NSD2: variants seen among roughly 807,000 people sequenced by gnomAD.
The protein encoded by NSD2 is histone-lysine N-methyltransferase NSD2.
Under a neutral mutation model 139.0 loss-of-function variants are expected in NSD2, and 12 were observed. The observed-to-expected ratio is 0.09, with a 90% CI of 0.06 to 0.14. NSD2 has a LOEUF of 0.14. Among genes scored for constraint, NSD2 ranks in the 10% least tolerant of loss-of-function variants. The pLI is 1.00. For synonymous variants in NSD2, 669 were observed against 648.7 expected (o/e 1.03, Z -0.48); for missense variants, 1,155 against 1,745.0 (o/e 0.66, Z 6.02).
chr4:1,928,715 G>A (rs547425219), intron 5 of NSD2, among the ~76,000 whole-genome samples: 1 of 151,996 alleles, frequency 6.6e-6, no homozygotes, highest in East Asian at 1.9e-4. Flanking sequence ...GGGCTCTGGA[G>A]TCATGGTGGG....
At position 1,948,106 on chromosome 4, in the gene NSD2, A is replaced by G. The variant is rs1234477125; in HGVS notation, c.1882-2966A>G. On this transcript the variant is annotated intron_variant, in intron 9 of 21. Transcript: ENST00000508803. The surrounding 1 kb of genome is among the most constrained non-coding windows in gnomAD (Gnocchi z 4.5). ...TTCTAAGGCAAATAGGCAACTTGGT[A>G]CTATCTTATTCTGAGTAGAGAGTGG... 1.9e-6 allele frequency: 2 copies of G among 1,059,722 alleles called. No individual in the cohort carries two copies. Among genetic ancestry groups the G allele is most frequent in the Non-Finnish European group, 2.3e-6 (2 of 875,500 alleles). 65.6% of individuals were successfully genotyped at this position (1,059,722 alleles called of 1,614,324 possible). A position where few individuals can be genotyped will look rare whatever the true frequency, so the allele number is the denominator to read the frequency against.
chr4:1,926,633 G>A (rs1720952190), intron 5 of NSD2, among the ~76,000 whole-genome samples: 1 of 151,820 alleles, frequency 6.6e-6, no homozygotes, highest in African/African-American at 2.4e-5. Flanking sequence ...ACCACACCCA[G>A]CTAATTGTTG....
rs1490792778 is a variant in NSD2 at position 1,900,769 on chromosome 4, G to A, written c.115G>A (p.Glu39Lys). 3 of 1,614,130 alleles carry A rather than the reference G, an allele frequency of 1.9e-6. No homozygotes were observed. The highest frequency in any genetic ancestry group is 2.2e-5 in the East Asian group (1 of 44,876). Residue 39 changes from glutamate (E) to lysine (K), a missense_variant, in exon 2 of 22, where the codon GAG (glutamate) becomes AAG (lysine). Physicochemically the swap from Glu to Lys is moderately conservative, Grantham distance 56. Coordinates refer to ENST00000508803, the MANE Select transcript of NSD2 (RefSeq NM_001042424.3). Reference protein sequence around the residue: ...GSANGKTPSCEVNRECSVFLS... With the variant: ...GSANGKTPSCKVNRECSVFLS... ...TGCCAACGGGAAGACTCCGAGCTGCGAGGTGAACCGCGAGTGTTCTGTGTT... is the reference window on the plus strand; with the variant it reads ...TGCCAACGGGAAGACTCCGAGCTGCAAGGTGAACCGCGAGTGTTCTGTGTT...
Position 1,978,641 on chromosome 4 carries a change from A to G in NSD2, c.3830A>G (p.Lys1277Arg). ...CACATCTTGTGTTCTGTTGCAGGGA[A>G]GTGGGAATGTCCTTGGCATCATTGT... ...CLGLGKRPFG[K>R]WECPWHHCDV... is the part of the protein sequence containing the mutation. Residue 1277 changes from lysine (K) to arginine (R), a missense_variant, in exon 22 of 22, where the codon AAG becomes AGG. Physicochemically the swap from Lys to Arg is conservative, Grantham distance 26. Coordinates refer to ENST00000508803, the MANE Select transcript of NSD2 (RefSeq NM_001042424.3). The G allele has an allele frequency of 6.2e-7, 1 of 1,603,426 alleles. No homozygotes were observed. The highest frequency in any genetic ancestry group is 8.5e-7 in the Non-Finnish European group (1 of 1,171,782).
intron 1 of NSD2, 73 bp from the exon 2 acceptor site, chr4:1,900,553 G>A (rs1717011965): frequency 6.0e-6 from 6 of 1,003,806 alleles, no homozygotes; most frequent in Non-Finnish European, 8.6e-6. Flanking sequence ...AGCTGTAGAG[G>A]TCCTGGCATA....
At position 1,976,762 on chromosome 4, in the gene NSD2, A is replaced by G; in HGVS notation, c.3826+83A>G. The G allele has an allele frequency of 7.0e-7, 1 of 1,432,630 alleles. No individual in the cohort carries two copies. The highest frequency in any genetic ancestry group is 9.4e-7 in the Non-Finnish European group (1 of 1,068,330). 88.7% of individuals were successfully genotyped at this position (1,432,630 alleles called of 1,614,324 possible). ...GCGGCTGCTGCCGCTCTTCCTGCTG[A>G]CCGGGCCTCATCTGGGTGCAGGCAC... On this transcript the variant is annotated intron_variant, in intron 21 of 21. Transcript: ENST00000508803. This position sits in a 1 kb window ranked among gnomAD's most constrained non-coding sequence, Gnocchi z 5.3.
intron 9 of NSD2, chr4:1,943,625 C>T: frequency 1.9e-6 from 2 of 1,047,228 alleles, no homozygotes; most frequent in Non-Finnish European, 1.2e-6. Context: ...TGGCTCTGCT[C>T]AAATGTTGCA....
intron 3 of NSD2, among the ~76,000 whole-genome samples, chr4:1,907,615 CTTTTTTTTTTT>C (rs765535552): frequency 1.1e-5 from 1 of 93,630 alleles, no homozygotes; most frequent in Non-Finnish European, 2.0e-5. Flanking sequence ...TGTTGAATCT[CTTTTTTTTTTT>C]TTTTTTTTTT....
At position 1,948,953 on chromosome 4, in the gene NSD2, A is replaced by G. The variant is rs1284869583; in HGVS notation, c.1882-2119A>G. On this transcript the variant is annotated intron_variant, in intron 9 of 21. Coordinates refer to ENST00000508803, the MANE Select transcript of NSD2 (RefSeq NM_001042424.3). This position sits in a 1 kb window ranked among gnomAD's most constrained non-coding sequence, Gnocchi z 4.5. ...GATAGCGCTGGGGCTCTCTCCCCTG[A>G]GCCATGCAGAAGGCCCCTTTCTCTG... is the stretch of plus-strand genomic sequence containing the variant. The G allele has an allele frequency of 2.8e-6, 1 of 351,976 alleles. No individual in the cohort carries two copies. Among genetic ancestry groups the G allele is most frequent in the East Asian group, 9.7e-5 (1 of 10,310 alleles). The allele number at this position is 351,976 out of a possible 1,614,324, so 21.8% of individuals were successfully genotyped here. A position where few individuals can be genotyped will look rare whatever the true frequency, so the allele number is the denominator to read the frequency against.
chr4:1,894,674 T>TAAAA (rs61535099), intron 1 of NSD2, among the ~76,000 whole-genome samples: 1 of 104,018 alleles, frequency 9.6e-6, no homozygotes, highest in Non-Finnish European at 2.2e-5. Flanking sequence ...CCTGTCTCAA[T>TAAAA]AAAAAAAAAA....
At chr4:1,909,336 G>C (rs1718362902) in intron 3 of NSD2, among the ~76,000 whole-genome samples, 1 of 152,032 alleles carries the variant, frequency 6.6e-6, no homozygotes, top group Non-Finnish European at 1.5e-5. Context: ...GTATGTAGGA[G>C]CCCAGGTCTG....
chr4:1,896,521 A>G (rs781246841), intron 1 of NSD2, among the ~76,000 whole-genome samples: 3 of 152,228 alleles, frequency 2.0e-5, no homozygotes, highest in Admixed American at 6.5e-5. Context: ...GATGTGCGCC[A>G]GTGTGCCTGG....
intron 9 of NSD2, chr4:1,940,318 A>C (rs181533808): frequency 2.8e-6 from 3 of 1,071,742 alleles, no homozygotes; most frequent in Non-Finnish European, 3.4e-6. Context: ...TTGAGTGTTG[A>C]GGTGAGTCAG....
At position 1,958,890 on chromosome 4, in the gene NSD2, T is replaced by A. The variant is rs1010157619; in HGVS notation, c.2986-581T>A. ...TCTTTCGCCACCTCTTCCCTAAGATTATGCATTTCTACCCCAGCTGATTTT... is the reference window on the plus strand; with the variant it reads ...TCTTTCGCCACCTCTTCCCTAAGATAATGCATTTCTACCCCAGCTGATTTT... On this transcript the variant is annotated intron_variant, in intron 16 of 21. Transcript: ENST00000508803. The surrounding 1 kb of genome is among the most constrained non-coding windows in gnomAD (Gnocchi z 4.6). Among the ~76,000 whole-genome samples the A allele has an allele frequency of 6.6e-6, 1 of 152,238 alleles. No homozygotes were observed. Among genetic ancestry groups the A allele is most frequent in the Non-Finnish European group, 1.5e-5 (1 of 68,052 alleles).
At chr4:1,970,797 C>T (rs970610413) in intron 18 of NSD2, among the ~76,000 whole-genome samples, 1 of 152,058 alleles carries the variant, frequency 6.6e-6, no homozygotes, top group African/African-American at 2.4e-5. Flanking sequence ...TACATGTGGG[C>T]ATGCAGGCTG....
chr4:1,967,723 G>T (rs28541559), intron 18 of NSD2, among the ~76,000 whole-genome samples: 1,822 of 152,294 alleles, frequency 0.012, 39 homozygotes, highest in African/African-American at 0.042. Context: ...AGTCAGTGTT[G>T]CCAGAGAAGA....
chr4:1,945,892 T>A (rs1455047560), intron 9 of NSD2: 1 of 1,060,194 alleles, frequency 9.4e-7, no homozygotes, highest in Admixed American at 5.4e-5. Context: ...TTCATTTCTT[T>A]TTCATTTGAC....
rs562098863 is a variant in NSD2, at chr4:1,921,874, C to T, written c.1410+3251C>T. Among the ~76,000 whole-genome samples the T allele has an allele frequency of 1.1e-4, 16 of 151,516 alleles. No homozygotes were observed. In the South Asian group the frequency reaches 1.7e-3, roughly 16 times the overall value. On this transcript the variant is annotated intron_variant, in intron 5 of 21. Coordinates refer to ENST00000508803, the MANE Select transcript of NSD2 (RefSeq NM_001042424.3). ...AAATAGTAGCCAATATTAGGCCGGG[C>T]GCGGTGGCTCACGCCTGTAATCCCA...
chr4:1,946,359 C>G (rs936949982), intron 9 of NSD2: 16 of 522,840 alleles, frequency 3.1e-5, no homozygotes, highest in Non-Finnish European at 4.0e-5. Flanking sequence ...CCTCCGCCTC[C>G]TTGGTTCCAG....
Sources: allele counts gnomAD v4.1 joint callset (sites outside exome capture counted in the v4.1 genomes callset), GRCh38; gene constraint gnomAD v4.1.1; non-coding constraint Gnocchi (gnomAD v3.1); transcripts MANE v1.5; gene names NCBI Gene and HGNC (gene_info 2026-07-23, HGNC 2026-07-21).